Variants in PLAU observed in about 807,000 individuals in gnomAD.
PLAU encodes the protein urokinase-type plasminogen activator.
PLAU carries 32 observed loss-of-function variants against 48.9 expected under a neutral mutation model. That is an observed-to-expected ratio of 0.65 (90% confidence interval 0.49 to 0.88). The LOEUF (loss-of-function observed/expected upper bound fraction) is 0.88. Ranked by LOEUF, PLAU falls within the 40% of genes least tolerant of loss-of-function variation. The probability of loss-of-function intolerance (pLI) is 0.00; values close to 1 mark genes in which losing one functional copy is unlikely to be tolerated. For missense variants in PLAU, 455 were observed against 545.2 expected (o/e 0.83, Z 1.65); for synonymous variants, 199 against 205.7 (o/e 0.97, Z 0.28).
chr10:73,916,530 A>G lies in PLAU; in HGVS notation c.1261A>G (p.Ser421Gly). 1.2e-6 allele frequency: 2 copies of G among 1,613,824 alleles called. No homozygotes were observed. The highest frequency in any genetic ancestry group is 1.7e-5 in the Admixed American group (1 of 60,008). ...RVSHFLPWIR[S>G]HTKEENGLAL Reference sequence around the variant, plus strand: ...CTCACACTTCTTACCCTGGATCCGCAGTCACACCAAGGAAGAGAATGGCCT... The same window carrying G: ...CTCACACTTCTTACCCTGGATCCGCGGTCACACCAAGGAAGAGAATGGCCT... The change falls in exon 11 of 11, where the codon AGT becomes GGT. Residue 421 changes from serine (S) to glycine (G), a missense_variant. Transcript: ENST00000372764.
rs2096137133 is a variant in PLAU at position 73,916,442 on chromosome 10, T to A, written c.1173T>A (p.Thr391=). 1 of 1,613,710 alleles carries A rather than the reference T, an allele frequency of 6.2e-7. No individual in the cohort carries two copies. Among genetic ancestry groups the A allele is most frequent in the Non-Finnish European group, 8.5e-7 (1 of 1,179,882 alleles). The part of the protein sequence containing the change: ...VCSLQGRMTL[T]GIVSWGRGCA... ...CCCTCCAAGGCCGCATGACTTTGAC[T>A]GGAATTGTGAGCTGGGGCCGTGGAT... The change falls in exon 11 of 11, where the codon ACT becomes ACA. Residue 391 remains threonine (T), a synonymous_variant. Transcript: ENST00000372764.
At chr10:73,914,351 C>T (rs1293941898) in intron 8 of PLAU, among the ~76,000 whole-genome samples, 1 of 152,182 alleles carries the variant, frequency 6.6e-6, no homozygotes, top group Non-Finnish European at 1.5e-5. Flanking sequence ...CAACAAGTAG[C>T]CTCTTGCGAG....
Position 73,915,103 on chromosome 10 carries a change from G to A in PLAU, c.971-148G>A, listed in dbSNP as rs1012063837. 5.8e-5 allele frequency: 59 copies of A among 1,010,196 alleles called. No homozygotes were observed. In the African/African-American group the frequency reaches 7.3e-4, roughly 12 times the overall value. The allele number at this position is 1,010,196 out of a possible 1,614,324, so 62.6% of individuals were successfully genotyped here. ...GGGCTGCAAAGGTAAATAGATGGTA[G>A]GGGCTATAGGTGGAGTAAAGGCTCA... On this transcript the variant is annotated intron_variant, in intron 9 of 10. Transcript: ENST00000372764.
rs2096139331 is a variant in PLAU, at chr10:73,917,394, G to A, written c.*829G>A. The A allele has an allele frequency of 7.9e-6, 1 of 127,112 alleles. No homozygotes were observed. Among genetic ancestry groups the A allele is most frequent in the Non-Finnish European group, 1.8e-5 (1 of 54,606 alleles). The allele number at this position is 127,112 out of a possible 1,614,324, so 7.9% of individuals were successfully genotyped here. On this transcript the variant is annotated 3_prime_UTR_variant, in exon 11 of 11. Transcript: ENST00000372764. ...GTTCATCCAATCCTCACTGGGTGGG[G>A]TGAGGACCACTCCTGTACACTGAAT...
chr10:73,916,724 C>T lies in PLAU; in HGVS notation c.*159C>T. 6 of 646,204 alleles carry T rather than the reference C, an allele frequency of 9.3e-6. No homozygotes were observed. The highest frequency in any genetic ancestry group is 5.5e-5 in the African/African-American group (3 of 54,846). The allele number at this position is 646,204 out of a possible 1,614,324, so 40.0% of individuals were successfully genotyped here. A position where few individuals can be genotyped will look rare whatever the true frequency, so the allele number is the denominator to read the frequency against. On this transcript the variant is annotated 3_prime_UTR_variant, in exon 11 of 11. Coordinates refer to ENST00000372764, the MANE Select transcript of PLAU (RefSeq NM_002658.6). ...ACCAGGGCGAACGACAATAGCTTTA[C>T]CCTCAGGCATAGGCCTGGGTGCTGG... is the stretch of plus-strand genomic sequence containing the variant.
In PLAU at chr10:73,911,598, G is replaced by T. The variant is rs2227580; in HGVS notation, c.43G>T (p.Val15Leu). ...LARLLLCVLV[V>L]SDSKGSNELH... ...GCGCCTGCTTCTCTGCGTCCTGGTC[G>T]TGAGCGACTCCAAAGTGAGTGCGCT... Residue 15 changes from valine (V) to leucine (L), a missense_variant, in exon 2 of 11, where the codon GTG (valine) becomes TTG (leucine). Coordinates refer to ENST00000372764, the MANE Select transcript of PLAU (RefSeq NM_002658.6). The T allele has an allele frequency of 8.6e-3, 13,877 of 1,613,832 alleles. 139 individuals are homozygous for T. The highest frequency in any genetic ancestry group is 0.05 in the Middle Eastern group (306 of 6,062).
intron 5 of PLAU, 91 bp from the exon 6 acceptor site, chr10:73,913,199 G>A: frequency 1.3e-6 from 2 of 1,575,684 alleles, no homozygotes; most frequent in Non-Finnish European, 1.7e-6. Flanking sequence ...CACAAGAGAA[G>A]TGCGGCCTCT....
rs1200077098 is a variant in PLAU at position 73,912,227 on chromosome 10, G to C, written c.98G>C (p.Cys33Ser). The C allele has an allele frequency of 6.2e-7, 1 of 1,614,132 alleles. No individual in the cohort carries two copies. The highest frequency in any genetic ancestry group is 2.2e-5 in the East Asian group (1 of 44,874). Residue 33 changes from cysteine (C) to serine (S), a missense_variant, in exon 4 of 11, where the codon TGT (cysteine) becomes TCT (serine). Cys to Ser is a moderately radical substitution (Grantham distance 112). Transcript: ENST00000372764. ...TTGTTCTCTCCAGCGAACTGTGACT[G>C]TCTAAATGGAGGAACATGTGTGTCC... is the stretch of plus-strand genomic sequence containing the variant. ...ELHQVPSNCD[C>S]LNGGTCVSNK...
upstream of PLAU, chr10:73,910,263 A>C (rs1048926266): frequency 1.3e-5 from 2 of 152,226 alleles, no homozygotes; most frequent in African/African-American, 2.4e-5. Context: ...AACTGTCTAC[A>C]TGTTTCCATT....
At chr10:73,914,341 C>T (rs924009442) in intron 8 of PLAU, among the ~76,000 whole-genome samples, 1 of 152,230 alleles carries the variant, frequency 6.6e-6, no homozygotes, top group Non-Finnish European at 1.5e-5. Context: ...TGAATTTCCC[C>T]AACAAGTAGC....
At chr10:73,911,291 GCCCTGGGCTGCCCGGGCT>G (rs939638054) in intron 1 of PLAU, 73 bp downstream of exon 1, 2 of 565,990 alleles carry the variant, frequency 3.5e-6, no homozygotes, top group African/African-American at 4.0e-5. Context: ...TGCCTCCCCC[GCCCTGGGCTGCCCGGGCT>G]CCCTGGGCTC....
Position 73,915,326 on chromosome 10 carries a change from A to T in PLAU, c.1046A>T (p.His349Leu), listed in dbSNP as rs1565611462. The T allele has an allele frequency of 6.2e-7, 1 of 1,613,934 alleles. No homozygotes were observed. Among genetic ancestry groups the T allele is most frequent in the South Asian group, 1.1e-5 (1 of 91,068 alleles). ...TCCCACCGGGAGTGTCAGCAGCCCCACTACTACGGCTCTGAAGTCACCACC... is the reference window on the plus strand; with the variant it reads ...TCCCACCGGGAGTGTCAGCAGCCCCTCTACTACGGCTCTGAAGTCACCACC... ...LISHRECQQP[H>L]YYGSEVTTKM... Residue 349 changes from histidine to leucine, a missense_variant, in exon 10 of 11, where the codon CAC (histidine) becomes CTC (leucine). Physicochemically the swap from His to Leu is moderately conservative, Grantham distance 99 (BLOSUM62 -3). Coordinates refer to ENST00000372764, the MANE Select transcript of PLAU (RefSeq NM_002658.6).
rs2096136918 is a variant in PLAU, at chr10:73,916,400, G to A, written c.1131G>A (p.Gly377=). Residue 377 remains glycine, a synonymous_variant, in exon 11 of 11, where the codon GGG becomes GGA. Coordinates refer to ENST00000372764, the MANE Select transcript of PLAU (RefSeq NM_002658.6). The part of the protein sequence containing the change: ...WKTDSCQGDS[G]GPLVCSLQGR... ...CTTTGGCGTCACAGGGAGACTCAGG[G>A]GGACCCCTCGTCTGTTCCCTCCAAG... 1 of 1,612,822 alleles carries A rather than the reference G, an allele frequency of 6.2e-7. No individual in the cohort carries two copies.
chr10:73,915,544 AG>A (rs895715108), intron 10 of PLAU, 145 bp downstream of exon 10: 27 of 719,778 alleles, frequency 3.8e-5, no homozygotes, highest in Non-Finnish European at 5.2e-5. Flanking sequence ...GGTTTAAACC[AG>A]TCCTTATGTG....
rs1297603487 is a variant in PLAU, at chr10:73,914,844, C to T, written c.898C>T (p.Leu300=). 7 of 1,614,160 alleles carry T rather than the reference C, an allele frequency of 4.3e-6. No individual in the cohort carries two copies. Among genetic ancestry groups the T allele is most frequent in the Non-Finnish European group, 5.9e-6 (7 of 1,179,984 alleles). ...ATCCCGGACTATACAGACCATCTGC[C>T]TGCCCTCGATGTATAACGATCCCCA... The part of the protein sequence containing the change: ...QPSRTIQTIC[L]PSMYNDPQFG... The change falls in exon 9 of 11, where the codon CTG becomes TTG. Residue 300 remains leucine, a synonymous_variant. Coordinates refer to ENST00000372764, the MANE Select transcript of PLAU (RefSeq NM_002658.6).
At chr10:73,913,820 C>A in intron 7 of PLAU, 62 bp downstream of exon 7, 1 of 1,439,190 alleles carries the variant, frequency 6.9e-7, no homozygotes, top group Non-Finnish European at 9.5e-7. Context: ...TCCCTTTCTC[C>A]TTCCCAGCAA....
At chr10:73,908,875 A>T (rs2131709479), upstream of PLAU, among the ~76,000 whole-genome samples, 10 of 144,582 alleles carry the variant, frequency 6.9e-5, no homozygotes, top group African/African-American at 8.1e-5. Flanking sequence ...AAAAAAAAAA[A>T]ATATGGCTGG....
intron 2 of PLAU, 26 bp from the exon 3 acceptor site, chr10:73,912,015 G>A: frequency 6.2e-7 from 1 of 1,613,986 alleles, no homozygotes; most frequent in Non-Finnish European, 8.5e-7. Context: ...GACCTTTGAT[G>A]AAGCCTCCTC....
In PLAU at chr10:73,911,621, G is replaced by T. The variant is rs773549475; in HGVS notation, c.57+9G>T. ...TCGTGAGCGACTCCAAAGTGAGTGC[G>T]CTCTTGCTTTGACTGATGCTGCCCA... On this transcript the variant is annotated intron_variant, in intron 2 of 10. Transcript: ENST00000372764. The T allele has an allele frequency of 6.2e-7, 1 of 1,613,650 alleles. No homozygotes were observed. Among genetic ancestry groups the T allele is most frequent in the African/African-American group, 1.3e-5 (1 of 74,942 alleles).
Sources: allele counts gnomAD v4.1 joint callset (sites outside exome capture counted in the v4.1 genomes callset), GRCh38; gene constraint gnomAD v4.1.1; transcripts MANE v1.5; gene names NCBI Gene and HGNC (gene_info 2026-07-23, HGNC 2026-07-21).